The following ST6GALNAC3 variants were observed in gnomAD, a reference collection of about 807,000 sequenced individuals.
The protein encoded by ST6GALNAC3 is alpha-N-acetylgalactosaminide alpha-2,6-sialyltransferase 3.
Under a neutral mutation model 32.7 loss-of-function variants are expected in ST6GALNAC3, and 25 were observed. That is an observed-to-expected ratio of 0.76 (90% CI 0.56 to 1.07). The LOEUF (loss-of-function observed/expected upper bound fraction) is 1.07, where lower values mean the gene tolerates loss of function less well. Among genes scored for constraint, ST6GALNAC3 ranks in the 50% least tolerant of loss-of-function variants. The pLI is 0.00. For synonymous variants in ST6GALNAC3, 129 were observed against 133.1 expected (o/e 0.97, Z 0.21); for missense variants, 355 against 382.4 (o/e 0.93, Z 0.60).
chr1:76,269,799 A>G (rs1483250113), intron 1 of ST6GALNAC3, among the ~76,000 whole-genome samples: 3 of 152,178 alleles, frequency 2.0e-5, no homozygotes, highest in Non-Finnish European at 4.4e-5. Flanking sequence ...CACATCCACT[A>G]TGAATACACC....
At chr1:76,543,773 C>A (rs902112960) in intron 3 of ST6GALNAC3, among the ~76,000 whole-genome samples, 1 of 152,066 alleles carries the variant, frequency 6.6e-6, no homozygotes, top group South Asian at 2.1e-4. Flanking sequence ...AGGCTCAAGC[C>A]GATGTATCTT....
chr1:76,098,231 T>C (rs995388814), intron 1 of ST6GALNAC3, among the ~76,000 whole-genome samples: 2 of 152,228 alleles, frequency 1.3e-5, no homozygotes, highest in African/African-American at 2.4e-5. Context: ...GCAACTTAAA[T>C]AGTTGTAGAA....
intron 1 of ST6GALNAC3, among the ~76,000 whole-genome samples, chr1:76,182,691 C>T (rs1244347533): frequency 6.6e-6 from 1 of 152,100 alleles, no homozygotes; most frequent in African/African-American, 2.4e-5. Context: ...AATTAATAAG[C>T]AAGGCTATCA....
At chr1:76,522,933 G>T (rs1662639857) in intron 3 of ST6GALNAC3, among the ~76,000 whole-genome samples, 1 of 152,104 alleles carries the variant, frequency 6.6e-6, no homozygotes, top group Non-Finnish European at 1.5e-5. Flanking sequence ...GTTAGCCAAA[G>T]GTGTGCCAAC....
intron 3 of ST6GALNAC3, among the ~76,000 whole-genome samples, chr1:76,587,551 G>C (rs1287376694): frequency 1.3e-5 from 2 of 152,128 alleles, no homozygotes; most frequent in African/African-American, 2.4e-5. Context: ...CAACGAATCA[G>C]GTCCAAATCC....
At chr1:76,127,346 A>C (rs643289) in intron 1 of ST6GALNAC3, among the ~76,000 whole-genome samples, 8,117 of 152,244 alleles carry the variant, frequency 0.053, 232 homozygotes, top group South Asian at 0.08. Flanking sequence ...CTTTGGCTTA[A>C]AGATATAAAT....
At chr1:76,478,901 C>T (rs1372306943) in intron 3 of ST6GALNAC3, among the ~76,000 whole-genome samples, 7 of 151,032 alleles carry the variant, frequency 4.6e-5, no homozygotes, top group East Asian at 3.9e-4. Flanking sequence ...TAGCTGGGAC[C>T]ACAGGTGCCC....
At chr1:76,454,957 T>C (rs920683893) in intron 3 of ST6GALNAC3, among the ~76,000 whole-genome samples, 2 of 152,064 alleles carry the variant, frequency 1.3e-5, no homozygotes, top group African/African-American at 4.8e-5. Context: ...TTTCTGTAAC[T>C]ACTGTTAGTT....
intron 2 of ST6GALNAC3, among the ~76,000 whole-genome samples, chr1:76,408,734 T>G (rs1654009521): frequency 1.4e-5 from 2 of 140,514 alleles, no homozygotes; most frequent in South Asian, 2.5e-4. Context: ...CTGCATTTTA[T>G]AGATTTGAAC....
intron 2 of ST6GALNAC3, among the ~76,000 whole-genome samples, chr1:76,362,158 A>T (rs1650011821): frequency 6.6e-6 from 1 of 152,138 alleles, no homozygotes; most frequent in South Asian, 2.1e-4. Context: ...AGGGGGATCC[A>T]GCACTTCACA....
At chr1:76,107,717 A>T (rs1386771953) in intron 1 of ST6GALNAC3, among the ~76,000 whole-genome samples, 1 of 152,040 alleles carries the variant, frequency 6.6e-6, no homozygotes, top group Non-Finnish European at 1.5e-5. Flanking sequence ...GCGGGTGAAC[A>T]CTATGGGCGA....
intron 2 of ST6GALNAC3, among the ~76,000 whole-genome samples, chr1:76,390,935 T>A (rs1400376110): frequency 2.5e-5 from 2 of 79,990 alleles, no homozygotes; most frequent in African/African-American, 7.1e-5. Flanking sequence ...AATGCTTATA[T>A]ATATATATGT....
intron 3 of ST6GALNAC3, among the ~76,000 whole-genome samples, chr1:76,426,789 A>G (rs904855687): frequency 6.6e-5 from 10 of 151,976 alleles, no homozygotes; most frequent in Admixed American, 5.3e-4. Context: ...AATGCGTTGT[A>G]CTATGATGCT....
At chr1:76,622,951 C>G (rs1054898183) in intron 3 of ST6GALNAC3, among the ~76,000 whole-genome samples, 1 of 151,840 alleles carries the variant, frequency 6.6e-6, no homozygotes, top group Admixed American at 6.6e-5. Context: ...CGATATCTTT[C>G]CAGAAATGAG....
intron 1 of ST6GALNAC3, among the ~76,000 whole-genome samples, chr1:76,163,434 T>C: frequency 6.6e-6 from 1 of 152,206 alleles, no homozygotes; most frequent in East Asian, 1.9e-4. Flanking sequence ...GGTGTACACT[T>C]GGGACCCAGA....
intron 1 of ST6GALNAC3, among the ~76,000 whole-genome samples, chr1:76,163,167 T>C (rs1651916458): frequency 6.6e-6 from 1 of 152,214 alleles, no homozygotes; most frequent in East Asian, 1.9e-4. Context: ...CTCTAAAACC[T>C]TATAGTATTT....
chr1:76,208,373 G>T (rs975976052), intron 1 of ST6GALNAC3, among the ~76,000 whole-genome samples: 1 of 152,202 alleles, frequency 6.6e-6, no homozygotes, highest in Admixed American at 6.5e-5. Context: ...CTTTATCTTT[G>T]AAAGCTCGTG....
At chr1:76,139,670 C>T (rs1203855936) in intron 1 of ST6GALNAC3, among the ~76,000 whole-genome samples, 1 of 152,180 alleles carries the variant, frequency 6.6e-6, no homozygotes, top group African/African-American at 2.4e-5. Context: ...AAGTTCTTGC[C>T]TAGTGCCAGG....
At chr1:76,594,886 A>G (rs1390579532) in intron 3 of ST6GALNAC3, among the ~76,000 whole-genome samples, 5 of 152,212 alleles carry the variant, frequency 3.3e-5, no homozygotes, top group Non-Finnish European at 7.3e-5. Flanking sequence ...ATCATAGTAT[A>G]GATAGTGTTG....
Sources: allele counts gnomAD v4.1 joint callset (sites outside exome capture counted in the v4.1 genomes callset), GRCh38; gene constraint gnomAD v4.1.1; transcripts MANE v1.5; gene names NCBI Gene and HGNC (gene_info 2026-07-23, HGNC 2026-07-21).